The following CC2D1A variants were observed in gnomAD, a reference collection of about 807,000 sequenced individuals.
The protein encoded by CC2D1A is coiled-coil and C2 domain containing 1A.
In CC2D1A, 68 loss-of-function variants were observed where a neutral mutation model predicts 123.8. The ratio of observed to expected loss-of-function variants is 0.55; its 90% CI spans 0.45 to 0.67. The LOEUF is 0.67. Ranked by LOEUF, CC2D1A falls within the 30% of genes least tolerant of loss-of-function variation. The probability of loss-of-function intolerance (pLI) is 0.00; values close to 1 mark genes in which losing one functional copy is unlikely to be tolerated. For synonymous variants in CC2D1A, 477 were observed against 528.0 expected, an observed-to-expected ratio of 0.90 and a Z score of 1.32; for missense variants, 1,185 against 1,290.3, an observed-to-expected ratio of 0.92 and a Z score of 1.25.
Position 13,920,755 on chromosome 19 carries a change from C to A in CC2D1A, c.1474C>A (p.Gln492Lys), listed in dbSNP as rs1971383707. 6.2e-7 allele frequency: 1 copy of A among 1,613,054 alleles called. No homozygotes were observed. ...PPKATSTRAQ[Q>K]QLAFLEGRKK... ...AGCAGCTCCTATGCCCACAGCCCAG[C>A]AGCAGCTGGCCTTCCTAGAGGGCCG... is the stretch of plus-strand genomic sequence containing the variant. The change falls in exon 14 of 29, where the codon CAG (glutamine) becomes AAG (lysine). Residue 492 changes from glutamine (Q) to lysine (K), a missense_variant. Gln to Lys is a moderately conservative substitution (Grantham distance 53). Transcript: ENST00000318003.
chr19:13,909,493 A>G (rs1049159596), intron 1 of CC2D1A, among the ~76,000 whole-genome samples: 4 of 151,344 alleles, frequency 2.6e-5, no homozygotes, highest in Non-Finnish European at 5.9e-5. Flanking sequence ...TTGGCCTCCC[A>G]AAGTGCTGGG....
chr19:13,912,690 T>C, intron 4 of CC2D1A, 97 bp downstream of exon 4: 1 of 1,261,064 alleles, frequency 7.9e-7, no homozygotes, highest in South Asian at 1.2e-5. Flanking sequence ...TCTTGCTGTG[T>C]CACCCAGGCT....
chr19:13,918,596 C>T lies in CC2D1A; in HGVS notation c.946+20C>T, dbSNP rs1205606339. 1 of 1,611,276 alleles carries T rather than the reference C, an allele frequency of 6.2e-7. No individual in the cohort carries two copies. The highest frequency in any genetic ancestry group is 1.7e-4 in the Middle Eastern group (1 of 6,050). ...CACCCGGTGAGAACCCTGCCATGCCCACTCTCTGGGATGGTTTCAGGCATA... is the reference window on the plus strand; with the variant it reads ...CACCCGGTGAGAACCCTGCCATGCCTACTCTCTGGGATGGTTTCAGGCATA... On this transcript the variant is annotated intron_variant, in intron 8 of 28. Transcript: ENST00000318003.
At chr19:13,924,480 T>A (rs1038989553) in intron 17 of CC2D1A, among the ~76,000 whole-genome samples, 2 of 151,752 alleles carry the variant, frequency 1.3e-5, no homozygotes, top group African/African-American at 2.4e-5. Flanking sequence ...TTTTTTAAAA[T>A]TTTTTTTCTG....
rs774024247 is a variant in CC2D1A, at chr19:13,923,723, C to T, written c.1852C>T (p.Arg618Trp). 7.4e-6 allele frequency: 12 copies of T among 1,614,056 alleles called. No homozygotes were observed. The highest frequency in any genetic ancestry group is 4.5e-5 in the East Asian group (2 of 44,898). Residue 618 changes from arginine (R) to tryptophan (W), a missense_variant, in exon 17 of 29, where the codon CGG (arginine) becomes TGG (tryptophan). Coordinates refer to ENST00000318003, the MANE Select transcript of CC2D1A (RefSeq NM_017721.5). The surrounding 1 kb of genome is among the most constrained non-coding windows in gnomAD (Gnocchi z 5.3). ...TGAAAAGTTGGCGGAGGACTGTAAG[C>T]GGAGCATGGACATTCTGAAGCAAGC... ...KFEKLAEDCK[R>W]SMDILKQAFV...
At chr19:13,927,725 T>C in intron 22 of CC2D1A, 168 bp from the exon 23 acceptor site, 1 of 707,750 alleles carries the variant, frequency 1.4e-6, no homozygotes, top group East Asian at 2.5e-5. Context: ...GAGCTTGCAG[T>C]GAGCCCAGAT....
chr19:13,930,600 C>CCCAG lies in CC2D1A; in HGVS notation c.*206_*209dup. 1.6e-6 allele frequency: 1 copy of CCCAG among 633,446 alleles called. No individual in the cohort carries two copies. The highest frequency in any genetic ancestry group is 2.7e-6 in the Non-Finnish European group (1 of 367,520). The allele number at this position is 633,446 out of a possible 1,614,324, so 39.2% of individuals were successfully genotyped here. ...CCTGCCAGCCAGTATGTGCCCCTCA[C>CCCAG]CCAGGCCTGGCTGGGCCCTGGAGAG... On this transcript the variant is annotated 3_prime_UTR_variant, in exon 29 of 29. Coordinates refer to ENST00000318003, the MANE Select transcript of CC2D1A (RefSeq NM_017721.5). The surrounding 1 kb of genome is among the most constrained non-coding windows in gnomAD (Gnocchi z 6.8).
At chr19:13,929,326 A>G in intron 24 of CC2D1A, 53 bp from the exon 25 acceptor site, 2 of 1,577,420 alleles carry the variant, frequency 1.3e-6, no homozygotes, top group Non-Finnish European at 8.7e-7. Context: ...TTGAATTAAC[A>G]GGGTTGGGCT....
In CC2D1A at chr19:13,930,187, C is replaced by T. The variant is rs1271136015; in HGVS notation, c.2787+33C>T. 3 of 1,612,954 alleles carry T rather than the reference C, an allele frequency of 1.9e-6. No homozygotes were observed. The South Asian group carries it at 3.3e-5, about 18-fold the overall frequency. ...GGTCGCGGGCCGGGTGGGCACTGGG[C>T]AGCGGGCAGGGTGGGGCCTGCAGGG... On this transcript the variant is annotated intron_variant, in intron 27 of 28. Transcript: ENST00000318003. The surrounding 1 kb of genome is among the most constrained non-coding windows in gnomAD (Gnocchi z 6.8).
intron 2 of CC2D1A, among the ~76,000 whole-genome samples, chr19:13,912,011 A>G (rs1963954): frequency 0.37 from 56,442 of 151,802 alleles, 14,852 homozygotes; most frequent in African/African-American, 0.75. Flanking sequence ...CACTGCGCCC[A>G]GCCTAATTTT....
chr19:13,907,738 A>G (rs1457472009), intron 1 of CC2D1A, among the ~76,000 whole-genome samples: 5 of 152,198 alleles, frequency 3.3e-5, no homozygotes, highest in African/African-American at 4.8e-5. Flanking sequence ...GGAGACCTCC[A>G]AGAGACCCTA....
At position 13,928,704 on chromosome 19, in the gene CC2D1A, C is replaced by CT. The variant is rs60455051; in HGVS notation, c.2519+538dup. 9.3e-3 allele frequency among the ~76,000 whole-genome samples: 1,012 copies of CT among 109,214 alleles called. 12 individuals are homozygous for CT. The highest frequency in any genetic ancestry group is 0.013 in the Non-Finnish European group (723 of 53,820). 71.6% of individuals were successfully genotyped at this position (109,214 alleles called of 152,430 possible). A position where few individuals can be genotyped will look rare whatever the true frequency, so the allele number is the denominator to read the frequency against. ...ACCATACCCCCAGTGCCCAGTGTGT[C>CT]TTTTTTTTTTTTTTTTTTTTTTGAG... On this transcript the variant is annotated intron_variant, in intron 24 of 28. Transcript: ENST00000318003.
chr19:13,927,389 C>A, intron 22 of CC2D1A, 124 bp downstream of exon 22: 1 of 735,650 alleles, frequency 1.4e-6, no homozygotes, highest in South Asian at 1.7e-5. Context: ...CCCCTCAGAG[C>A]CTCAGACCTC....
chr19:13,909,720 G>A, intron 1 of CC2D1A, 103 bp from the exon 2 acceptor site: 1 of 1,476,706 alleles, frequency 6.8e-7, no homozygotes, highest in Middle Eastern at 1.7e-4. Context: ...CTTTCCCTGG[G>A]AGACCTTGTT....
rs753037271 is a variant in CC2D1A at position 13,913,517 on chromosome 19, T to C, written c.627T>C (p.Pro209=). 18 of 1,614,028 alleles carry C rather than the reference T, an allele frequency of 1.1e-5. No homozygotes were observed. The African/African-American group carries it at 1.7e-4, about 16-fold the overall frequency. The part of the protein sequence containing the change: ...KGPASTPTYS[P]APTQPAPRIA... Reference sequence around the variant, plus strand: ...CGGCGTCCACGCCTACCTACAGCCCTGCACCCACCCAGCCGGCCCCTAGAA... The same window carrying C: ...CGGCGTCCACGCCTACCTACAGCCCCGCACCCACCCAGCCGGCCCCTAGAA... Residue 209 remains proline, a synonymous_variant, in exon 6 of 29, where the codon CCT becomes CCC. Transcript: ENST00000318003.
At chr19:13,928,286 C>T in intron 24 of CC2D1A, 98 bp downstream of exon 24, 1 of 1,037,066 alleles carries the variant, frequency 9.6e-7, no homozygotes, top group South Asian at 1.5e-5. Context: ...GACCACGTCC[C>T]TCTCCTGCTG....
Position 13,926,585 on chromosome 19 carries a change from C to A in CC2D1A, c.2009C>A (p.Pro670His). ...GTGAAGGGCATCAACTTGCCCACAC[C>A]CCCAGGTGAGGGGGCTGTAGGCAAG... Reference protein sequence around the residue: ...FIVKGINLPTPPGLSPGDLDV... With the variant: ...FIVKGINLPTHPGLSPGDLDV... Residue 670 changes from proline to histidine, a missense_variant, in exon 18 of 29, where the codon CCC (proline) becomes CAC (histidine). Pro to His is a moderately conservative substitution (Grantham distance 77). Coordinates refer to ENST00000318003, the MANE Select transcript of CC2D1A (RefSeq NM_017721.5). 1 of 1,614,140 alleles carries A rather than the reference C, an allele frequency of 6.2e-7. No individual in the cohort carries two copies. The highest frequency in any genetic ancestry group is 8.5e-7 in the Non-Finnish European group (1 of 1,180,016).
intron 1 of CC2D1A, among the ~76,000 whole-genome samples, chr19:13,907,543 G>T (rs1970810741): frequency 6.6e-6 from 1 of 151,900 alleles, no homozygotes; most frequent in African/African-American, 2.4e-5. Context: ...CATGGTGGCG[G>T]GCACCTGTAA....
At chr19:13,927,805 A>G in intron 22 of CC2D1A, 88 bp from the exon 23 acceptor site, 3 of 1,414,850 alleles carry the variant, frequency 2.1e-6, no homozygotes, top group Non-Finnish European at 1.9e-6. Context: ...ACCAAAAAAA[A>G]AAACCAGTCT....
Sources: allele counts gnomAD v4.1 joint callset (sites outside exome capture counted in the v4.1 genomes callset), GRCh38; gene constraint gnomAD v4.1.1; non-coding constraint Gnocchi (gnomAD v3.1); transcripts MANE v1.5; gene names NCBI Gene and HGNC (gene_info 2026-07-23, HGNC 2026-07-21).